Variants in PCDH11X observed in about 807,000 individuals in gnomAD.
PCDH11X encodes protocadherin 11 X-linked.
PCDH11X carries 18 observed loss-of-function variants against 53.3 expected under a neutral mutation model. That is an observed-to-expected ratio of 0.34 (90% CI 0.23 to 0.50). The LOEUF (loss-of-function observed/expected upper bound fraction) is 0.50, where lower values mean the gene tolerates loss of function less well. Among genes scored for constraint, PCDH11X ranks in the 20% least tolerant of loss-of-function variants. The pLI, the probability that PCDH11X is intolerant of heterozygous loss-of-function variation, is 0.98. For synonymous variants in PCDH11X, 279 were observed against 393.3 expected (o/e 0.71, Z 3.44); for missense variants, 570 against 1,032.4 (o/e 0.55, Z 6.14).
chrX:92,402,688 C>T (rs1473112733), intron 9 of PCDH11X, among the ~76,000 whole-genome samples: 1 of 111,083 alleles, frequency 9.0e-6, no homozygotes, highest in Non-Finnish European at 1.9e-5. Flanking sequence ...TGGAATACAG[C>T]CTAAGCATCC....
At chrX:92,322,994 C>T (rs1357199876) in intron 8 of PCDH11X, among the ~76,000 whole-genome samples, 1 of 111,948 alleles carries the variant, frequency 8.9e-6, no homozygotes. Flanking sequence ...ATCGGTAATA[C>T]ATTTACAGCT....
intron 10 of PCDH11X, among the ~76,000 whole-genome samples, chrX:92,606,766 ATATCT>A (rs1434310891): frequency 8.9e-6 from 1 of 111,950 alleles, no homozygotes; most frequent in Non-Finnish European, 1.9e-5. Context: ...TGTAAATTGT[ATATCT>A]TATAAGAGTC....
At chrX:92,196,171 TA>T (rs1251256148) in intron 6 of PCDH11X, among the ~76,000 whole-genome samples, 1 of 111,962 alleles carries the variant, frequency 8.9e-6, no homozygotes, top group Non-Finnish European at 1.9e-5. Flanking sequence ...ATTCCAAGTC[TA>T]AACGTATTTT....
chrX:92,411,853 A>T (rs1219864874), intron 9 of PCDH11X, among the ~76,000 whole-genome samples: 12 of 93,930 alleles, frequency 1.3e-4, no homozygotes, highest in African/African-American at 4.9e-4. Context: ...ATTTTGAGAG[A>T]AAAGAAGAAA....
intron 6 of PCDH11X, among the ~76,000 whole-genome samples, chrX:92,047,519 A>C (rs2063307364): frequency 9.8e-6 from 1 of 102,375 alleles, no homozygotes; most frequent in Admixed American, 1.1e-4. Flanking sequence ...AGCTATATTT[A>C]AACTTTAGGA....
chrX:92,222,083 C>T (rs1178072000), intron 7 of PCDH11X, among the ~76,000 whole-genome samples: 2 of 111,186 alleles, frequency 1.8e-5, no homozygotes, highest in African/African-American at 3.3e-5. Flanking sequence ...ATCCACCCTC[C>T]TTGGCTTCCC....
At chrX:91,820,180 TATAC>T (rs1490162973) in intron 4 of PCDH11X, among the ~76,000 whole-genome samples, 1 of 90,663 alleles carries the variant, frequency 1.1e-5, no homozygotes, top group African/African-American at 5.1e-5. Flanking sequence ...CCTTTGGGTA[TATAC>T]CCAGTAATGG....
At chrX:92,422,689 G>A (rs1231088365) in intron 9 of PCDH11X, among the ~76,000 whole-genome samples, 2 of 111,409 alleles carry the variant, frequency 1.8e-5, no homozygotes, top group Admixed American at 9.5e-5. Context: ...GGGATTGCTG[G>A]ATCAAATGAT....
At chrX:91,946,558 CATATATATATATATATATAT>C (rs766671132) in intron 6 of PCDH11X, among the ~76,000 whole-genome samples, 26 of 31,624 alleles carry the variant, frequency 8.2e-4, no homozygotes, top group African/African-American at 1.7e-3. Flanking sequence ...CTGTTTCCCT[CATATATATATATATATATAT>C]ATATATATAT....
intron 10 of PCDH11X, among the ~76,000 whole-genome samples, chrX:92,511,386 A>G (rs1264484219): frequency 9.0e-6 from 1 of 111,658 alleles, no homozygotes; most frequent in Non-Finnish European, 1.9e-5. Flanking sequence ...CAAATAGCCA[A>G]TGTTAATGTG....
At chrX:92,231,623 T>C (rs187158118) in intron 7 of PCDH11X, among the ~76,000 whole-genome samples, 1 of 111,880 alleles carries the variant, frequency 8.9e-6, no homozygotes, top group Admixed American at 9.5e-5. Flanking sequence ...ACTTGCCCTT[T>C]GCAGCTGAGT....
At chrX:92,276,849 A>G (rs145644035) in intron 8 of PCDH11X, among the ~76,000 whole-genome samples, 3,573 of 111,540 alleles carry the variant, frequency 0.032, 109 homozygotes, top group East Asian at 0.25. Flanking sequence ...CAAACGAGTC[A>G]TGAACTGGGC....
intron 8 of PCDH11X, among the ~76,000 whole-genome samples, chrX:92,372,828 T>A (rs1424719302): frequency 3.7e-5 from 4 of 107,645 alleles, no homozygotes; most frequent in African/African-American, 1.3e-4. Context: ...ACATTTATTT[T>A]CAGCTAAATT....
intron 8 of PCDH11X, among the ~76,000 whole-genome samples, chrX:92,290,726 C>T (rs996625060): frequency 9.5e-6 from 1 of 104,834 alleles, no homozygotes; most frequent in Non-Finnish European, 1.9e-5. Flanking sequence ...TCATCAATCA[C>T]GTTATTTCAG....
chrX:92,159,932 G>A (rs2065609901), intron 6 of PCDH11X, among the ~76,000 whole-genome samples: 1 of 100,961 alleles, frequency 9.9e-6, no homozygotes. Flanking sequence ...AAAAAAAAAA[G>A]ATTTGGGGAT....
intron 6 of PCDH11X, among the ~76,000 whole-genome samples, chrX:91,969,982 G>A (rs1326091026): frequency 3.6e-5 from 4 of 109,755 alleles, no homozygotes; most frequent in African/African-American, 1.3e-4. Flanking sequence ...ATAATAATGT[G>A]TCCGGAATTG....
rs181595815 is a variant in PCDH11X, at chrX:92,331,870, C to G, written c.3145-55865C>G. ...CTCAAGTGTGATGAACTCAGTTTTT[C>G]TCAATTTATTTGCACTGTTACATCA... is the stretch of plus-strand genomic sequence containing the variant. On this transcript the variant is annotated intron_variant, in intron 8 of 10. Coordinates refer to ENST00000682573, the MANE Select transcript of PCDH11X (RefSeq NM_032968.5). Among the ~76,000 whole-genome samples, 40 of 111,515 alleles carry G rather than the reference C, an allele frequency of 3.6e-4. No homozygotes were observed. The East Asian group carries it at 0.011, about 31-fold the overall frequency.
chrX:92,289,092 G>A (rs1484392571), intron 8 of PCDH11X, among the ~76,000 whole-genome samples: 3 of 111,320 alleles, frequency 2.7e-5, no homozygotes, highest in Admixed American at 9.6e-5. Flanking sequence ...AACTTCACCC[G>A]TTTCAATTTT....
chrX:92,449,568 G>A (rs1171961736), intron 9 of PCDH11X, among the ~76,000 whole-genome samples: 1 of 111,877 alleles, frequency 8.9e-6, no homozygotes, highest in Non-Finnish European at 1.9e-5. Flanking sequence ...TGAGGCTGGA[G>A]AAGGATAGAT....
Sources: allele counts gnomAD v4.1 joint callset (sites outside exome capture counted in the v4.1 genomes callset), GRCh38; gene constraint gnomAD v4.1.1; transcripts MANE v1.5; gene names NCBI Gene and HGNC (gene_info 2026-07-23, HGNC 2026-07-21).